DIP2B: variants seen among roughly 807,000 people sequenced by gnomAD.
DIP2B encodes the protein DIP2 acetate--CoA ligase B (putative), also known as disco-interacting protein 2 homolog B.
In DIP2B, 76 loss-of-function variants were observed where a neutral mutation model predicts 198.0. The observed-to-expected ratio is 0.38, with a 90% confidence interval of 0.32 to 0.46. The LOEUF (loss-of-function observed/expected upper bound fraction) is 0.46, where lower values mean the gene tolerates loss of function less well. Among genes scored for constraint, DIP2B ranks in the 20% least tolerant of loss-of-function variants. The pLI is 0.99. For synonymous variants in DIP2B, 701 were observed against 739.1 expected, an observed-to-expected ratio of 0.95 and a Z score of 0.84; for missense variants, 1,559 against 1,978.4, an observed-to-expected ratio of 0.79 and a Z score of 4.02.
chr12:50,586,375 G>A (rs1958770772), intron 1 of DIP2B, among the ~76,000 whole-genome samples: 1 of 152,094 alleles, frequency 6.6e-6, no homozygotes. Context: ...GACTCAAGTG[G>A]CAGTCAAGGA....
intron 1 of DIP2B, among the ~76,000 whole-genome samples, chr12:50,539,699 C>A (rs1350335631): frequency 1.3e-5 from 2 of 151,474 alleles, no homozygotes; most frequent in African/African-American, 4.9e-5. Context: ...AGTTTGAGAA[C>A]TAAAAGCTTA....
At chr12:50,626,724 C>G (rs1027767671) in intron 2 of DIP2B, among the ~76,000 whole-genome samples, 3 of 151,078 alleles carry the variant, frequency 2.0e-5, no homozygotes, top group African/African-American at 2.4e-5. Context: ...TTTTCTACCC[C>G]CTTCAACCAA....
At chr12:50,576,484 T>C (rs1347808623) in intron 1 of DIP2B, among the ~76,000 whole-genome samples, 1 of 151,378 alleles carries the variant, frequency 6.6e-6, no homozygotes, top group Non-Finnish European at 1.5e-5. Flanking sequence ...CCCCCCACCT[T>C]TTTTTTCTTT....
rs184319940 is a variant in DIP2B at position 50,586,775 on chromosome 12, G to A, written c.101-39201G>A. On this transcript the variant is annotated intron_variant, in intron 1 of 37. Transcript: ENST00000301180. ...TTTAGTAGAGATGAGGTTTCACCAT[G>A]TTGGCCAGGCTGGTCTCAAACTCCT... Among the ~76,000 whole-genome samples the A allele has an allele frequency of 2.9e-3, 446 of 152,314 alleles. 5 individuals are homozygous for A. Among genetic ancestry groups the A allele is most frequent in the African/African-American group, 0.01 (423 of 41,572 alleles).
intron 1 of DIP2B, among the ~76,000 whole-genome samples, chr12:50,516,237 C>CTA (rs1565809486): frequency 8.7e-5 from 13 of 149,942 alleles, no homozygotes; most frequent in Admixed American, 2.0e-4. Flanking sequence ...CTCTCTCTCT[C>CTA]TCTCTCTCTA....
chr12:50,711,992 GCT>G (rs1939624670), intron 22 of DIP2B, among the ~76,000 whole-genome samples: 1 of 152,022 alleles, frequency 6.6e-6, no homozygotes, highest in African/African-American at 2.4e-5. Flanking sequence ...AAGACCCTTT[GCT>G]CTACAAAGAA....
chr12:50,642,273 C>T (rs1037972499), intron 3 of DIP2B, among the ~76,000 whole-genome samples: 3 of 152,208 alleles, frequency 2.0e-5, no homozygotes, highest in African/African-American at 7.2e-5. Flanking sequence ...ACTTAGAATG[C>T]AAGGGTCAGA....
chr12:50,688,163 G>A (rs919830017), intron 12 of DIP2B, among the ~76,000 whole-genome samples: 3 of 152,000 alleles, frequency 2.0e-5, no homozygotes, highest in African/African-American at 4.8e-5. Context: ...AGTGAGCTGA[G>A]ATCACGCCAC....
chr12:50,546,991 C>A (rs1027295688), intron 1 of DIP2B, among the ~76,000 whole-genome samples: 1 of 152,194 alleles, frequency 6.6e-6, no homozygotes, highest in Non-Finnish European at 1.5e-5. Context: ...AAACTGCTTA[C>A]TCGGAGGTTC....
At chr12:50,560,396 C>CAAAAAA (rs1243608970) in intron 1 of DIP2B, among the ~76,000 whole-genome samples, 1 of 115,800 alleles carries the variant, frequency 8.6e-6, no homozygotes, top group African/African-American at 3.2e-5. Context: ...ACTCCATCTC[C>CAAAAAA]AAAAAAAAAA....
intron 1 of DIP2B, among the ~76,000 whole-genome samples, chr12:50,529,429 G>A (rs185185988): frequency 6.6e-6 from 1 of 152,336 alleles, no homozygotes; most frequent in Admixed American, 6.5e-5. Flanking sequence ...CTGTCCAATG[G>A]ACCAAAGGAG....
intron 3 of DIP2B, among the ~76,000 whole-genome samples, chr12:50,658,674 G>A (rs1938594026): frequency 6.6e-6 from 1 of 152,208 alleles, no homozygotes; most frequent in Non-Finnish European, 1.5e-5. Flanking sequence ...ATAAGGAATT[G>A]TGTAAGTAAA....
intron 2 of DIP2B, among the ~76,000 whole-genome samples, chr12:50,638,612 T>C (rs568623798): frequency 2.6e-5 from 4 of 152,318 alleles, no homozygotes; most frequent in African/African-American, 9.6e-5. Flanking sequence ...GTATATCTTA[T>C]TCAAAACACA....
intron 1 of DIP2B, among the ~76,000 whole-genome samples, chr12:50,608,198 A>G (rs1959000514): frequency 6.6e-6 from 1 of 152,208 alleles, no homozygotes; most frequent in Non-Finnish European, 1.5e-5. Flanking sequence ...TATTTAGATA[A>G]TATCTTGATG....
intron 25 of DIP2B, among the ~76,000 whole-genome samples, chr12:50,719,432 C>G (rs890085155): frequency 6.6e-6 from 1 of 152,088 alleles, no homozygotes; most frequent in African/African-American, 2.4e-5. Flanking sequence ...TTTAAAAACC[C>G]TAAGTTATTT....
At chr12:50,629,620 C>T (rs1938003203) in intron 2 of DIP2B, among the ~76,000 whole-genome samples, 2 of 152,164 alleles carry the variant, frequency 1.3e-5, no homozygotes, top group Admixed American at 6.6e-5. Flanking sequence ...ATCCATAGAT[C>T]CAACTGCATA....
intron 1 of DIP2B, among the ~76,000 whole-genome samples, chr12:50,586,954 GCTT>G (rs1434512386): frequency 3.9e-5 from 6 of 152,306 alleles, no homozygotes; most frequent in Non-Finnish European, 7.4e-5. Flanking sequence ...GCTTGTATAT[GCTT>G]CTTTGGGTGG....
chr12:50,548,154 T>G (rs1958393536), intron 1 of DIP2B, among the ~76,000 whole-genome samples: 1 of 152,156 alleles, frequency 6.6e-6, no homozygotes, highest in Non-Finnish European at 1.5e-5. Flanking sequence ...TCATCTAGAA[T>G]TGGGTTTAGA....
At chr12:50,724,699 T>G in intron 27 of DIP2B, 76 bp from the exon 28 acceptor site, 1 of 1,333,008 alleles carries the variant, frequency 7.5e-7, no homozygotes, top group Non-Finnish European at 1.1e-6. Context: ...GAGTGGCTTT[T>G]AGCAGCAGCC....
Sources: gnomAD v4.1 joint callset for allele counts (sites outside exome capture counted in the v4.1 genomes callset) on GRCh38, gnomAD v4.1.1 for gene constraint, MANE v1.5 for transcripts, NCBI Gene and HGNC (gene_info 2026-07-23, HGNC 2026-07-21) for gene names.